WDR18: variants seen among roughly 807,000 people sequenced by gnomAD.
WDR18 encodes WD repeat-containing protein 18.
WDR18 carries 33 observed loss-of-function variants against 49.6 expected under a neutral mutation model. The observed-to-expected ratio is 0.67, with a 90% CI of 0.50 to 0.89. The LOEUF is 0.89. Ranked by LOEUF, WDR18 falls within the 40% of genes least tolerant of loss-of-function variation. The pLI is 0.00. For synonymous variants in WDR18, 315 were observed against 263.6 expected (o/e 1.19, Z -1.89); for missense variants, 653 against 593.6 (o/e 1.10, Z -1.04).
At chr19:987,198 C>T (rs1282256336) in intron 2 of WDR18, among the ~76,000 whole-genome samples, 2 of 152,136 alleles carry the variant, frequency 1.3e-5, no homozygotes, top group Admixed American at 1.3e-4. Context: ...GAAAAATTAG[C>T]TGGGCATGGT....
rs775172395 is a variant in WDR18, at chr19:991,288, G to A, written c.868G>A (p.Asp290Asn). 1.3e-6 allele frequency: 2 copies of A among 1,565,268 alleles called. No individual in the cohort carries two copies. Among genetic ancestry groups the A allele is most frequent in the Non-Finnish European group, 1.7e-6 (2 of 1,154,330 alleles). ...CAGCGTGCTGCTCTCAGGCTCCCACGACGAGACCGTGCGCCTCTGGGACGT... is the reference window on the plus strand; with the variant it reads ...CAGCGTGCTGCTCTCAGGCTCCCACAACGAGACCGTGCGCCTCTGGGACGT... ...DGSVLLSGSH[D>N]ETVRLWDVQS... Residue 290 changes from aspartate to asparagine, a missense_variant, in exon 7 of 10, where the codon GAC (aspartate) becomes AAC (asparagine). Asp to Asn is a conservative substitution (Grantham distance 23). Coordinates refer to ENST00000585809, the MANE Select transcript of WDR18 (RefSeq NM_024100.4).
At position 991,259 on chromosome 19, in the gene WDR18, A is replaced by T; in HGVS notation, c.839A>T (p.Asp280Val). The change falls in exon 7 of 10, where the codon GAC becomes GTC. Residue 280 changes from aspartate to valine, a missense_variant. Asp to Val is a radical substitution (Grantham distance 152, BLOSUM62 -3). Coordinates refer to ENST00000585809, the MANE Select transcript of WDR18 (RefSeq NM_024100.4). ...GTGACTTGCCTGTCAGTGTCCACTGACGGCAGCGTGCTGCTCTCAGGCTCC... is the reference window on the plus strand; with the variant it reads ...GTGACTTGCCTGTCAGTGTCCACTGTCGGCAGCGTGCTGCTCTCAGGCTCC... ...NQVTCLSVST[D>V]GSVLLSGSHD... 6.4e-7 allele frequency: 1 copy of T among 1,573,718 alleles called. No individual in the cohort carries two copies.
At chr19:994,155 G>A in intron 9 of WDR18, 58 bp from the exon 10 acceptor site, 1 of 1,550,848 alleles carries the variant, frequency 6.4e-7, no homozygotes, top group Non-Finnish European at 8.7e-7. Flanking sequence ...GGGGTGAGTG[G>A]CCCCCCTCCA....
chr19:994,151 A>G, intron 9 of WDR18, 62 bp from the exon 10 acceptor site: 1 of 1,549,598 alleles, frequency 6.5e-7, no homozygotes, highest in Non-Finnish European at 8.7e-7. Context: ...AGTGGGGGTG[A>G]GTGGCCCCCC....
At chr19:992,160 C>T (rs903482207) in intron 8 of WDR18, 39 bp downstream of exon 8, 5 of 1,408,046 alleles carry the variant, frequency 3.6e-6, no homozygotes, top group African/African-American at 3.0e-5. Context: ...GCCCTTTTGT[C>T]CCGGAAGACC....
intron 4 of WDR18, 145 bp from the exon 5 acceptor site, chr19:990,707 C>T (rs1599446809): frequency 1.6e-6 from 2 of 1,260,616 alleles, no homozygotes; most frequent in Non-Finnish European, 2.1e-6. Flanking sequence ...GCCCCCAAGA[C>T]CCACATGGTG....
At chr19:993,970 T>C in intron 8 of WDR18, 50 bp from the exon 9 acceptor site, 1 of 1,541,364 alleles carries the variant, frequency 6.5e-7, no homozygotes, top group Non-Finnish European at 8.8e-7. Flanking sequence ...GCAAAGCGTG[T>C]GGTGTGTGAC....
chr19:990,070 G>A, intron 3 of WDR18, 153 bp from the exon 4 acceptor site: 1 of 1,376,268 alleles, frequency 7.3e-7, no homozygotes, highest in East Asian at 2.5e-5. Context: ...GTTTGTTCTG[G>A]GGGCCGTGGG....
rs375167336 is a variant in WDR18 at position 994,350 on chromosome 19, G to T, written c.*6G>T. ...TCACGCGGCCGGCCAAGTGAGGCCC[G>T]GAGACCCCGGCCCGAGGCGCCCAGG... On this transcript the variant is annotated 3_prime_UTR_variant, in exon 10 of 10. Transcript: ENST00000585809. 1 of 1,605,906 alleles carries T rather than the reference G, an allele frequency of 6.2e-7. No homozygotes were observed. Among genetic ancestry groups the T allele is most frequent in the Non-Finnish European group, 8.5e-7 (1 of 1,177,652 alleles).
Position 991,115 on chromosome 19 carries a change from A to G in WDR18, c.776A>G (p.Gln259Arg). 1 of 1,588,704 alleles carries G rather than the reference A, an allele frequency of 6.3e-7. No individual in the cohort carries two copies. Among genetic ancestry groups the G allele is most frequent in the South Asian group, 1.1e-5 (1 of 88,220 alleles). The change falls in exon 6 of 10, where the codon CAG becomes CGG. Residue 259 changes from glutamine to arginine, a missense_variant. Transcript: ENST00000585809. ...GQRERSFHPE[Q>R]DAGKVFKGHR... Reference sequence around the variant, plus strand: ...AGGGAGAGGAGCTTCCACCCAGAGCAGGACGCCGGGAAGGTCTTCAAAGGG... The same window carrying G: ...AGGGAGAGGAGCTTCCACCCAGAGCGGGACGCCGGGAAGGTCTTCAAAGGG...
upstream of WDR18, among the ~76,000 whole-genome samples, chr19:983,561 CTT>C (rs34868789): frequency 2.3e-4 from 33 of 141,820 alleles, no homozygotes; most frequent in Non-Finnish European, 2.2e-4. Flanking sequence ...AGCGCCCGGC[CTT>C]TTTTTTTTTT....
At chr19:990,418 T>C (rs2038529959) in intron 4 of WDR18, 54 bp downstream of exon 4, 2 of 1,466,092 alleles carry the variant, frequency 1.4e-6, no homozygotes, top group African/African-American at 2.9e-5. Context: ...CAGCCGCAGG[T>C]CCTCAGCCAG....
upstream of WDR18, among the ~76,000 whole-genome samples, chr19:983,237 G>C (rs2038436508): frequency 6.6e-6 from 1 of 151,980 alleles, no homozygotes; most frequent in Admixed American, 6.6e-5. Flanking sequence ...TTGGAGACCA[G>C]CCTGAGCAAC....
intron 7 of WDR18, 31 bp downstream of exon 7, chr19:991,382 GC>G: frequency 6.6e-7 from 1 of 1,521,298 alleles, no homozygotes; most frequent in East Asian, 2.5e-5. Flanking sequence ...CCCGCGGCCA[GC>G]GCGCAGGGGA....
chr19:984,530 G>A lies in WDR18; in HGVS notation c.177G>A (p.Lys59=), dbSNP rs901753240. 36 of 1,534,138 alleles carry A rather than the reference G, an allele frequency of 2.3e-5. No individual in the cohort carries two copies. The highest frequency in any genetic ancestry group is 3.4e-4 in the Middle Eastern group (2 of 5,946). The part of the protein sequence containing the change: ...GEYLLAAQLG[K]NYISAWELQR... ...ATCTGCTGGCGGCGCAGCTGGGCAA[G>A]AATTACATCAGCGCCTGGGAGCTCC... The change falls in exon 1 of 10, where the codon AAG becomes AAA. Residue 59 remains lysine, a synonymous_variant. Coordinates refer to ENST00000585809, the MANE Select transcript of WDR18 (RefSeq NM_024100.4).
Position 990,220 on chromosome 19 carries a change from CAGCGTGCTG to C in WDR18, c.456-2_462del, listed in dbSNP as rs1568384930. ...TGCTGAGCACCTGCCCCACCCCGCT[CAGCGTGCTG>C]CAGGCCGACCCCTCCAGGATTCCGG... On this transcript the variant is annotated splice_acceptor_variant and coding_sequence_variant, in exon 4 of 10. Coordinates refer to ENST00000585809, the MANE Select transcript of WDR18 (RefSeq NM_024100.4). LOFTEE classifies it high-confidence loss of function. 6.3e-7 allele frequency: 1 copy of C among 1,596,216 alleles called. No homozygotes were observed. The highest frequency in any genetic ancestry group is 8.5e-7 in the Non-Finnish European group (1 of 1,178,254).
chr19:994,221 C>T lies in WDR18; in HGVS notation c.1176C>T (p.Leu392=), dbSNP rs1025436617. 1.2e-5 allele frequency: 20 copies of T among 1,602,436 alleles called. No individual in the cohort carries two copies. Among genetic ancestry groups the T allele is most frequent in the East Asian group, 6.7e-5 (3 of 44,532 alleles). ...CCCGACTTCTCCCGCAGAGCGTGCTCGGCGGCCAGGACCAGCTGCGCGTCC... is the reference window on the plus strand; with the variant it reads ...CCCGACTTCTCCCGCAGAGCGTGCTTGGCGGCCAGGACCAGCTGCGCGTCC... ...VLCSTMEKSV[L]GGQDQLRVRV... The change falls in exon 10 of 10, where the codon CTC becomes CTT. Residue 392 remains leucine, a synonymous_variant. Coordinates refer to ENST00000585809, the MANE Select transcript of WDR18 (RefSeq NM_024100.4).
intron 2 of WDR18, 72 bp from the exon 3 acceptor site, chr19:989,690 C>T (rs1254481154): frequency 4.4e-6 from 7 of 1,587,006 alleles, no homozygotes; most frequent in Non-Finnish European, 6.0e-6. Context: ...TGGTGGGTTC[C>T]TGGGGCTGCA....
chr19:988,939 G>A (rs559980613), intron 2 of WDR18, among the ~76,000 whole-genome samples: 2 of 151,702 alleles, frequency 1.3e-5, no homozygotes, highest in Admixed American at 6.6e-5. Flanking sequence ...GTCCCAGGTC[G>A]GGACTTTTAA....
Sources: allele counts gnomAD v4.1 joint callset (sites outside exome capture counted in the v4.1 genomes callset), GRCh38; gene constraint gnomAD v4.1.1; transcripts MANE v1.5; gene names NCBI Gene and HGNC (gene_info 2026-07-23, HGNC 2026-07-21).